Variants in DLG2 observed in about 807,000 individuals in gnomAD.
DLG2 encodes discs large MAGUK scaffold protein 2.
In DLG2, 45 loss-of-function variants were observed where a neutral mutation model predicts 132.5. That is an observed-to-expected ratio of 0.34 (90% CI 0.27 to 0.44). The LOEUF (loss-of-function observed/expected upper bound fraction) is 0.44. Ranked by LOEUF, DLG2 falls within the 20% of genes least tolerant of loss-of-function variation. The probability of loss-of-function intolerance (pLI) is 1.00; values close to 1 mark genes in which losing one functional copy is unlikely to be tolerated. For synonymous variants in DLG2, 424 were observed against 419.6 expected, an observed-to-expected ratio of 1.01 and a Z score of -0.13; for missense variants, 1,045 against 1,196.9, an observed-to-expected ratio of 0.87 and a Z score of 1.87.
chr11:83,962,106 G>T (rs2088963875), intron 14 of DLG2, among the ~76,000 whole-genome samples: 1 of 151,940 alleles, frequency 6.6e-6, no homozygotes, highest in South Asian at 2.1e-4. Flanking sequence ...GACAGGCAGG[G>T]TATAAAACCA....
chr11:83,768,019 A>C (rs2094215501), intron 18 of DLG2, among the ~76,000 whole-genome samples: 1 of 152,148 alleles, frequency 6.6e-6, no homozygotes, highest in Admixed American at 6.5e-5. Flanking sequence ...TTTTTTCTGA[A>C]TATTTACTTT....
chr11:85,589,337 G>C (rs967812797), intron 3 of DLG2, among the ~76,000 whole-genome samples: 1 of 152,176 alleles, frequency 6.6e-6, no homozygotes, highest in Admixed American at 6.6e-5. Flanking sequence ...GAGAGCACCA[G>C]CTGTGATAGA....
intron 11 of DLG2, among the ~76,000 whole-genome samples, chr11:84,005,641 C>G (rs2094540439): frequency 8.6e-6 from 1 of 116,312 alleles, no homozygotes; most frequent in African/African-American, 3.8e-5. Context: ...AACAACTCAA[C>G]AACAACAAAA....
At chr11:83,702,006 G>A (rs1252237152) in intron 18 of DLG2, among the ~76,000 whole-genome samples, 2 of 152,234 alleles carry the variant, frequency 1.3e-5, no homozygotes, top group Admixed American at 6.5e-5. Flanking sequence ...CATTATTATA[G>A]TAGAAAGATA....
intron 6 of DLG2, among the ~76,000 whole-genome samples, chr11:84,844,135 G>GTGTGTATA (rs1227140689): frequency 2.3e-5 from 1 of 43,704 alleles, no homozygotes; most frequent in South Asian, 8.2e-4. Context: ...GTGTGTGTGT[G>GTGTGTATA]TATATATATA....
At chr11:84,932,868 T>A (rs1001430979) in intron 6 of DLG2, among the ~76,000 whole-genome samples, 1 of 152,206 alleles carries the variant, frequency 6.6e-6, no homozygotes, top group Non-Finnish European at 1.5e-5. Flanking sequence ...TTCCTTTGGG[T>A]ACGTACCCAG....
intron 3 of DLG2, among the ~76,000 whole-genome samples, chr11:85,421,339 C>G (rs2090291478): frequency 6.6e-6 from 1 of 152,012 alleles, no homozygotes; most frequent in East Asian, 1.9e-4. Flanking sequence ...GAAATCACAC[C>G]CCTCCTGCGT....
intron 6 of DLG2, among the ~76,000 whole-genome samples, chr11:84,903,678 C>A (rs1417768787): frequency 6.6e-6 from 1 of 152,108 alleles, no homozygotes; most frequent in African/African-American, 2.4e-5. Context: ...TAGTTTCCCT[C>A]AACTACAAAA....
chr11:83,627,224 T>C (rs1457932866), intron 19 of DLG2, among the ~76,000 whole-genome samples: 1 of 152,066 alleles, frequency 6.6e-6, no homozygotes, highest in Non-Finnish European at 1.5e-5. Context: ...ATTATTATTA[T>C]ACTTTAACTT....
intron 15 of DLG2, among the ~76,000 whole-genome samples, chr11:83,894,021 A>T (rs1008872146): frequency 1.3e-5 from 2 of 152,220 alleles, no homozygotes; most frequent in Non-Finnish European, 2.9e-5. Flanking sequence ...ATCAAGGCAT[A>T]TCCTCATTCA....
intron 7 of DLG2, among the ~76,000 whole-genome samples, chr11:84,485,158 T>C (rs2099147619): frequency 6.6e-6 from 1 of 152,122 alleles, no homozygotes; most frequent in South Asian, 2.1e-4. Flanking sequence ...AATTGGATGT[T>C]CCTAAATCAG....
intron 3 of DLG2, among the ~76,000 whole-genome samples, chr11:85,417,134 T>G (rs536176513): frequency 2.2e-4 from 33 of 152,306 alleles, no homozygotes; most frequent in African/African-American, 6.5e-4. Context: ...CCCTTGTTTA[T>G]TGAGAGTTTT....
intron 6 of DLG2, among the ~76,000 whole-genome samples, chr11:85,110,430 CA>C (rs1566869660): frequency 6.6e-6 from 1 of 151,694 alleles, no homozygotes; most frequent in Non-Finnish European, 1.5e-5. Context: ...AAATAAAAAC[CA>C]AAACCAAAAA....
chr11:85,230,938 T>C (rs140222515), intron 4 of DLG2, among the ~76,000 whole-genome samples: 1 of 152,028 alleles, frequency 6.6e-6, no homozygotes, highest in East Asian at 1.9e-4. Context: ...ATCTTGAAAG[T>C]AAAGAACAAG....
intron 6 of DLG2, among the ~76,000 whole-genome samples, chr11:84,696,477 T>A (rs1263455644): frequency 6.6e-6 from 1 of 151,064 alleles, no homozygotes; most frequent in Non-Finnish European, 1.5e-5. Flanking sequence ...GTTGATAGAG[T>A]GTTTAGAGGA....
At chr11:84,639,400 TA>T (rs2099649750) in intron 6 of DLG2, among the ~76,000 whole-genome samples, 1 of 151,694 alleles carries the variant, frequency 6.6e-6, no homozygotes, top group African/African-American at 2.4e-5. Context: ...TTTCTTTTTG[TA>T]AAACCAAAGA....
At chr11:84,018,972 G>A (rs1192742907) in intron 11 of DLG2, among the ~76,000 whole-genome samples, 1 of 151,998 alleles carries the variant, frequency 6.6e-6, no homozygotes, top group Non-Finnish European at 1.5e-5. Flanking sequence ...AGTCAGATTA[G>A]TGGTTACTTT....
intron 18 of DLG2, among the ~76,000 whole-genome samples, chr11:83,696,534 G>A (rs1249947199): frequency 6.6e-6 from 1 of 152,070 alleles, no homozygotes; most frequent in African/African-American, 2.4e-5. Flanking sequence ...CAAAATGGTA[G>A]TACAAAAAAA....
At chr11:85,616,641 G>C (rs2081356280) in intron 2 of DLG2, among the ~76,000 whole-genome samples, 1 of 152,156 alleles carries the variant, frequency 6.6e-6, no homozygotes, top group Non-Finnish European at 1.5e-5. Flanking sequence ...AGATGAAAAA[G>C]AGATTCTCGG....
Sources: allele counts gnomAD v4.1 joint callset (sites outside exome capture counted in the v4.1 genomes callset), GRCh38; gene constraint gnomAD v4.1.1; transcripts MANE v1.5; gene names NCBI Gene and HGNC (gene_info 2026-07-23, HGNC 2026-07-21).